ZFAT: variants seen among roughly 807,000 people sequenced by gnomAD.
The protein encoded by ZFAT is zinc finger and AT-hook domain containing.
A neutral mutation model predicts 117.7 loss-of-function variants in ZFAT; 64 were observed. The ratio of observed to expected loss-of-function variants is 0.54; its 90% CI spans 0.44 to 0.67. The LOEUF is 0.67. ZFAT is among the 30% of genes least tolerant of loss of function. ZFAT has a pLI of 0.00. For missense variants in ZFAT, 1,433 were observed against 1,584.5 expected (o/e 0.90, Z 1.62); for synonymous variants, 679 against 615.0 (o/e 1.10, Z -1.54).
the ZFAT span, among the ~76,000 whole-genome samples, chr8:134,773,470 C>T: frequency 6.6e-6 from 1 of 152,084 alleles, no homozygotes; most frequent in Admixed American, 6.5e-5. Context: ...CTGTGCAGCC[C>T]ATGGATCAAG....
the ZFAT span, among the ~76,000 whole-genome samples, chr8:134,807,725 A>C: frequency 6.6e-6 from 1 of 152,068 alleles, no homozygotes; most frequent in Non-Finnish European, 1.5e-5. Context: ...GAAAAAAAAA[A>C]AAACAAAAAA....
chr8:134,552,361 T>C (rs1823228823), intron 11 of ZFAT, among the ~76,000 whole-genome samples: 2 of 152,264 alleles, frequency 1.3e-5, no homozygotes, highest in African/African-American at 4.8e-5. Flanking sequence ...ATTCTGAATG[T>C]CAAATTGTGG....
chr8:134,626,404 T>C (rs1829505037), intron 3 of ZFAT, among the ~76,000 whole-genome samples: 1 of 152,222 alleles, frequency 6.6e-6, no homozygotes, highest in South Asian at 2.1e-4. Context: ...CTTAGGCAAC[T>C]TCCTTCACCT....
At chr8:134,724,345 A>G in the ZFAT span, among the ~76,000 whole-genome samples, 1 of 152,216 alleles carries the variant, frequency 6.6e-6, no homozygotes, top group African/African-American at 2.4e-5. Flanking sequence ...GACATTTGTC[A>G]ATAGATACAG....
the ZFAT span, among the ~76,000 whole-genome samples, chr8:134,762,261 C>T: frequency 6.6e-6 from 1 of 152,114 alleles, no homozygotes; most frequent in Non-Finnish European, 1.5e-5. Flanking sequence ...CTCTACAAAC[C>T]CCTCTTAATT....
chr8:134,728,389 T>G, the ZFAT span, among the ~76,000 whole-genome samples: 38 of 152,124 alleles, frequency 2.5e-4, no homozygotes, highest in Admixed American at 2.5e-3. Context: ...TAAAAGTCTG[T>G]GAGGCCCTGC....
chr8:134,513,975 C>A (rs976538599), intron 13 of ZFAT, among the ~76,000 whole-genome samples: 1 of 152,238 alleles, frequency 6.6e-6, no homozygotes, highest in East Asian at 1.9e-4. Context: ...GACAGTAGAT[C>A]CAGGCAATGC....
At chr8:134,594,470 G>A (rs954303083) in intron 7 of ZFAT, among the ~76,000 whole-genome samples, 9 of 152,176 alleles carry the variant, frequency 5.9e-5, no homozygotes, top group African/African-American at 9.7e-5. Context: ...TTTTGAATAT[G>A]TGTACCTTGA....
At chr8:134,737,727 A>G in the ZFAT span, among the ~76,000 whole-genome samples, 1 of 152,188 alleles carries the variant, frequency 6.6e-6, no homozygotes, top group African/African-American at 2.4e-5. Context: ...ATCAGGATGG[A>G]CCTGGGAATC....
At chr8:134,527,606 G>A (rs989269384) in intron 12 of ZFAT, among the ~76,000 whole-genome samples, 6 of 152,308 alleles carry the variant, frequency 3.9e-5, no homozygotes, top group South Asian at 2.1e-4. Context: ...GAAATTAACC[G>A]GAAGTCACAT....
At chr8:134,585,189 C>G (rs1563633283) in intron 9 of ZFAT, among the ~76,000 whole-genome samples, 1 of 152,198 alleles carries the variant, frequency 6.6e-6, no homozygotes, top group Non-Finnish European at 1.5e-5. Flanking sequence ...TTACAACACA[C>G]TCTCACAAGA....
chr8:134,669,002 G>C (rs879460833), intron 1 of ZFAT, among the ~76,000 whole-genome samples: 13 of 152,212 alleles, frequency 8.5e-5, no homozygotes, highest in Admixed American at 7.9e-4. Context: ...AAGAGTATCA[G>C]TGATTGAAGA....
chr8:134,815,226 A>G, the ZFAT span, among the ~76,000 whole-genome samples: 1 of 152,250 alleles, frequency 6.6e-6, no homozygotes, highest in African/African-American at 2.4e-5. Flanking sequence ...AAGGAAAACA[A>G]TCCACAAAGC....
chr8:134,552,423 A>G (rs975625432), intron 11 of ZFAT, among the ~76,000 whole-genome samples: 6 of 152,250 alleles, frequency 3.9e-5, no homozygotes, highest in Non-Finnish European at 7.3e-5. Context: ...ATGATAATGA[A>G]ATCGGTGATT....
chr8:134,820,720 C>A, the ZFAT span, among the ~76,000 whole-genome samples: 1 of 152,300 alleles, frequency 6.6e-6, no homozygotes, highest in South Asian at 2.1e-4. Context: ...AATGGTCAAA[C>A]CTGATGTCAA....
intron 9 of ZFAT, among the ~76,000 whole-genome samples, chr8:134,585,307 A>G (rs1425686627): frequency 2.0e-5 from 3 of 152,180 alleles, no homozygotes; most frequent in Admixed American, 6.5e-5. Context: ...GATGGCTCAG[A>G]ACTACCACAA....
intron 12 of ZFAT, among the ~76,000 whole-genome samples, chr8:134,523,054 C>T (rs1820775138): frequency 6.6e-6 from 1 of 152,212 alleles, no homozygotes; most frequent in South Asian, 2.1e-4. Context: ...CACTGATCCT[C>T]AGCCCTGTTA....
intron 1 of ZFAT, among the ~76,000 whole-genome samples, chr8:134,680,641 C>T (rs1833030818): frequency 6.6e-6 from 1 of 152,088 alleles, no homozygotes; most frequent in Admixed American, 6.5e-5. Context: ...CTATACACAA[C>T]ACACTGCACC....
chr8:134,720,613 G>A, the ZFAT span, among the ~76,000 whole-genome samples: 3 of 152,224 alleles, frequency 2.0e-5, no homozygotes, highest in South Asian at 2.1e-4. Flanking sequence ...AGAAGCAAAC[G>A]GTGCCAAGGA....
Sources: gnomAD v4.1 joint callset for allele counts (sites outside exome capture counted in the v4.1 genomes callset) on GRCh38, gnomAD v4.1.1 for gene constraint, MANE v1.5 for transcripts, NCBI Gene and HGNC (gene_info 2026-07-23, HGNC 2026-07-21) for gene names.